The following PPARGC1A variants were observed in gnomAD, a reference collection of about 807,000 sequenced individuals.
The protein encoded by PPARGC1A is peroxisome proliferator-activated receptor gamma coactivator 1-alpha.
In PPARGC1A, 25 loss-of-function variants were observed where a neutral mutation model predicts 88.7. That is an observed-to-expected ratio of 0.28 (90% confidence interval 0.21 to 0.39). The LOEUF is 0.39. Among genes scored for constraint, PPARGC1A ranks in the 10% least tolerant of loss-of-function variants. PPARGC1A has a pLI of 1.00. For synonymous variants in PPARGC1A, 363 were observed against 355.6 expected, an observed-to-expected ratio of 1.02 and a Z score of -0.24; for missense variants, 880 against 968.7, an observed-to-expected ratio of 0.91 and a Z score of 1.22.
At chr4:24,276,179 T>G in the PPARGC1A span, among the ~76,000 whole-genome samples, 1 of 152,204 alleles carries the variant, frequency 6.6e-6, no homozygotes, top group East Asian at 1.9e-4. Context: ...CCACCTTCAA[T>G]CACCTGAATC....
At chr4:23,848,213 T>G (rs1215698208) in intron 2 of PPARGC1A, among the ~76,000 whole-genome samples, 3 of 152,226 alleles carry the variant, frequency 2.0e-5, no homozygotes, top group Admixed American at 1.3e-4. Flanking sequence ...ATAAAATCAT[T>G]CAAGCAATAT....
the PPARGC1A span, among the ~76,000 whole-genome samples, chr4:24,309,688 C>A: frequency 1.3e-5 from 2 of 152,214 alleles, no homozygotes; most frequent in Non-Finnish European, 2.9e-5. Flanking sequence ...CTCAAGGGAT[C>A]CTCCTGCCTC....
the PPARGC1A span, among the ~76,000 whole-genome samples, chr4:23,942,412 A>C: frequency 1.1e-4 from 17 of 152,308 alleles, no homozygotes; most frequent in African/African-American, 4.1e-4. Context: ...TTTGGCTGTC[A>C]ATACTCTAAG....
At chr4:24,338,589 C>A in the PPARGC1A span, among the ~76,000 whole-genome samples, 1 of 152,188 alleles carries the variant, frequency 6.6e-6, no homozygotes, top group African/African-American at 2.4e-5. Context: ...GCCAAGAAGT[C>A]TTTCAAATAT....
intron 1 of PPARGC1A, among the ~76,000 whole-genome samples, chr4:23,886,845 G>A (rs1271395742): frequency 7.7e-6 from 1 of 129,728 alleles, no homozygotes; most frequent in East Asian, 2.7e-4. Flanking sequence ...ATTTTATAGG[G>A]GCATAGTCTT....
chr4:24,097,615 C>T, the PPARGC1A span, among the ~76,000 whole-genome samples: 1 of 152,088 alleles, frequency 6.6e-6, no homozygotes, highest in African/African-American at 2.4e-5. Context: ...ATGTATCAAA[C>T]CCACACTACT....
chr4:24,109,628 C>T, the PPARGC1A span, among the ~76,000 whole-genome samples: 1 of 152,148 alleles, frequency 6.6e-6, no homozygotes, highest in African/African-American at 2.4e-5. Flanking sequence ...GTCTATTTAG[C>T]ATTTATATGG....
chr4:24,075,329 G>C, the PPARGC1A span, among the ~76,000 whole-genome samples: 1 of 152,198 alleles, frequency 6.6e-6, no homozygotes, highest in Non-Finnish European at 1.5e-5. Flanking sequence ...AAAGGTAAGA[G>C]ATCAAGGCCA....
At chr4:24,383,239 A>G in the PPARGC1A span, among the ~76,000 whole-genome samples, 1 of 152,332 alleles carries the variant, frequency 6.6e-6, no homozygotes, top group South Asian at 2.1e-4. Flanking sequence ...ATCAAAGACC[A>G]AAGGTAGATA....
chr4:24,310,275 A>G, the PPARGC1A span, among the ~76,000 whole-genome samples: 2 of 152,200 alleles, frequency 1.3e-5, no homozygotes, highest in East Asian at 3.9e-4. Context: ...TTTCTCACCT[A>G]GGATCAACTA....
At chr4:24,465,523 T>G in the PPARGC1A span, among the ~76,000 whole-genome samples, 1 of 152,164 alleles carries the variant, frequency 6.6e-6, no homozygotes, top group African/African-American at 2.4e-5. Context: ...TTTCCTATGG[T>G]CTCTCTGGAA....
the PPARGC1A span, among the ~76,000 whole-genome samples, chr4:23,967,201 C>A: frequency 6.6e-6 from 1 of 152,164 alleles, no homozygotes; most frequent in African/African-American, 2.4e-5. Flanking sequence ...AAAGCCTACA[C>A]TCTGTGCAGC....
chr4:23,913,579 G>A, the PPARGC1A span, among the ~76,000 whole-genome samples: 2 of 151,980 alleles, frequency 1.3e-5, no homozygotes, highest in Non-Finnish European at 2.9e-5. Flanking sequence ...CTGAGAAGAG[G>A]AAATGTGAAT....
chr4:24,404,874 T>C, the PPARGC1A span, among the ~76,000 whole-genome samples: 1 of 152,210 alleles, frequency 6.6e-6, no homozygotes, highest in Non-Finnish European at 1.5e-5. Flanking sequence ...TGCAGCTTTT[T>C]CCCTCCTGAG....
chr4:23,924,996 A>G, the PPARGC1A span, among the ~76,000 whole-genome samples: 2 of 152,236 alleles, frequency 1.3e-5, no homozygotes, highest in African/African-American at 4.8e-5. Flanking sequence ...AAAAGTATGA[A>G]CTACTGTAAC....
the PPARGC1A span, among the ~76,000 whole-genome samples, chr4:24,241,183 C>T: frequency 6.6e-6 from 1 of 151,868 alleles, no homozygotes; most frequent in Non-Finnish European, 1.5e-5. Flanking sequence ...AATAATTGCC[C>T]AAATTCCTTG....
chr4:24,079,391 A>G, the PPARGC1A span, among the ~76,000 whole-genome samples: 3 of 151,938 alleles, frequency 2.0e-5, no homozygotes, highest in Non-Finnish European at 2.9e-5. Flanking sequence ...TTTTTTTCAT[A>G]TATTTATTGG....
the PPARGC1A span, among the ~76,000 whole-genome samples, chr4:24,422,323 T>C: frequency 2.0e-5 from 3 of 152,188 alleles, no homozygotes; most frequent in African/African-American, 7.2e-5. Context: ...TCATCCTAGA[T>C]TGTCAAAGGA....
chr4:24,349,372 T>C, the PPARGC1A span, among the ~76,000 whole-genome samples: 16 of 152,286 alleles, frequency 1.1e-4, no homozygotes, highest in South Asian at 2.9e-3. Flanking sequence ...CCCAGGATTA[T>C]GTGCCCTTTG....
Sources: gnomAD v4.1 joint callset for allele counts (sites outside exome capture counted in the v4.1 genomes callset) on GRCh38, gnomAD v4.1.1 for gene constraint, MANE v1.5 for transcripts, NCBI Gene and HGNC (gene_info 2026-07-23, HGNC 2026-07-21) for gene names.